PCDH9: variants seen among roughly 807,000 people sequenced by gnomAD.
PCDH9 encodes the protein protocadherin-9.
PCDH9 carries 24 observed loss-of-function variants against 70.6 expected under a neutral mutation model. The observed-to-expected ratio is 0.34, with a 90% CI of 0.25 to 0.48. The LOEUF (loss-of-function observed/expected upper bound fraction) is 0.48, where lower values mean the gene tolerates loss of function less well. Ranked by LOEUF, PCDH9 falls within the 20% of genes least tolerant of loss-of-function variation. PCDH9 has a pLI of 0.99. For missense variants in PCDH9, 1,281 were observed against 1,503.6 expected (o/e 0.85, Z 2.45); for synonymous variants, 562 against 558.5 (o/e 1.01, Z -0.09).
Position 66,744,225 on chromosome 13 carries a change from A to T in PCDH9, c.3139-112814T>A, listed in dbSNP as rs529650134. Among the ~76,000 whole-genome samples the T allele has an allele frequency of 3.2e-4, 49 of 152,346 alleles. No homozygotes were observed. In the South Asian group the frequency reaches 0.01, roughly 32 times the overall value. On this transcript the variant is annotated intron_variant, in intron 3 of 4. Transcript: ENST00000377865. ...GGACATGTATTTATTATTTTGTATT[A>T]ATCAATTCACATATCCCTGGAGAAA...
Position 66,303,467 on chromosome 13 carries a change from C to T in PCDH9, c.*1188G>A, listed in dbSNP as rs1000507120. ...AGAATGTTCTGTTACATCATGAAGG[C>T]ACAACACATTAAATATTTTGTGGCT... On this transcript the variant is annotated 3_prime_UTR_variant, in exon 5 of 5. Coordinates refer to ENST00000377865, the MANE Select transcript of PCDH9 (RefSeq NM_203487.3). The T allele has an allele frequency of 1.3e-5, 2 of 152,500 alleles. No individual in the cohort carries two copies. The highest frequency in any genetic ancestry group is 2.9e-5 in the Non-Finnish European group (2 of 67,986). The allele number at this position is 152,500 out of a possible 1,614,324, so 9.4% of individuals were successfully genotyped here. A position where few individuals can be genotyped will look rare whatever the true frequency, so the allele number is the denominator to read the frequency against.
At chr13:67,190,457 A>ATATTT (rs5804314) in intron 2 of PCDH9, among the ~76,000 whole-genome samples, 71,311 of 151,184 alleles carry the variant, frequency 0.47, 17,422 homozygotes, top group Middle Eastern at 0.64. Flanking sequence ...TTAAGAGGAA[A>ATATTT]TATTTTGTTT....
chr13:66,519,174 C>T (rs1455290704), intron 4 of PCDH9, among the ~76,000 whole-genome samples: 1 of 152,032 alleles, frequency 6.6e-6, no homozygotes, highest in Non-Finnish European at 1.5e-5. Context: ...ACATCCTATT[C>T]TGATAAACAG....
At chr13:67,167,504 C>T (rs979650256) in intron 2 of PCDH9, among the ~76,000 whole-genome samples, 4 of 152,084 alleles carry the variant, frequency 2.6e-5, no homozygotes, top group Admixed American at 2.6e-4. Context: ...CACTTTTCAT[C>T]AAACTTTTCC....
At chr13:66,812,752 G>T (rs934320386) in intron 3 of PCDH9, among the ~76,000 whole-genome samples, 2 of 152,124 alleles carry the variant, frequency 1.3e-5, no homozygotes, top group African/African-American at 4.8e-5. Context: ...TTACAGAAGA[G>T]AAAATAAAGT....
At chr13:67,018,425 C>T (rs374936756) in intron 2 of PCDH9, among the ~76,000 whole-genome samples, 46 of 152,112 alleles carry the variant, frequency 3.0e-4, no homozygotes, top group South Asian at 1.5e-3. Flanking sequence ...TCGAGACCAT[C>T]CTGGTCAACA....
intron 2 of PCDH9, among the ~76,000 whole-genome samples, chr13:67,170,512 G>A (rs117864311): frequency 0.034 from 5,215 of 152,248 alleles, 242 homozygotes; most frequent in Admixed American, 0.14. Flanking sequence ...ATTTGCAATA[G>A]CAAAGGAGAT....
intron 3 of PCDH9, among the ~76,000 whole-genome samples, chr13:66,841,863 G>C (rs966914848): frequency 6.6e-6 from 1 of 152,088 alleles, no homozygotes; most frequent in Non-Finnish European, 1.5e-5. Flanking sequence ...AAAAGTACTT[G>C]GGAAAATATA....
chr13:66,304,669 C>A lies in PCDH9; in HGVS notation c.3700G>T (p.Glu1234Ter). The change falls in exon 5 of 5, where the codon GAG becomes TAG. Residue 1234 changes from glutamate to a stop codon, truncating the protein, a stop_gained. Transcript: ENST00000377865. LOFTEE classifies it high-confidence loss of function. ...QAGGATESPK[E>*]HQL is the part of the protein sequence containing the mutation. The stretch of plus-strand genomic sequence containing the variant: ...ATAGCCTTTTCTTAGAGTTGGTGCT[C>A]CTTAGGACTCTCAGTAGCACCTCCT... 6.2e-7 allele frequency: 1 copy of A among 1,612,400 alleles called. No homozygotes were observed. The highest frequency in any genetic ancestry group is 1.1e-5 in the South Asian group (1 of 91,022).
chr13:67,026,293 G>C (rs1428600510), intron 2 of PCDH9, among the ~76,000 whole-genome samples: 1 of 152,102 alleles, frequency 6.6e-6, no homozygotes, highest in Non-Finnish European at 1.5e-5. Flanking sequence ...CAAGGATATT[G>C]GTCTAAAATT....
chr13:66,736,429 C>T (rs895898923), intron 3 of PCDH9, among the ~76,000 whole-genome samples: 1 of 152,114 alleles, frequency 6.6e-6, no homozygotes, highest in African/African-American at 2.4e-5. Context: ...CACAGGCCAG[C>T]CAAGGAGAGA....
intron 2 of PCDH9, among the ~76,000 whole-genome samples, chr13:67,151,113 A>C (rs895739652): frequency 9.9e-5 from 15 of 152,154 alleles, no homozygotes; most frequent in Admixed American, 9.8e-4. Flanking sequence ...GTCCAGTGGA[A>C]GGCTCATCCT....
At chr13:66,580,540 A>G (rs1318333259) in intron 4 of PCDH9, among the ~76,000 whole-genome samples, 2 of 151,782 alleles carry the variant, frequency 1.3e-5, no homozygotes, top group African/African-American at 2.4e-5. Context: ...GTATTTGTCA[A>G]TGGTATGGAC....
intron 3 of PCDH9, among the ~76,000 whole-genome samples, chr13:66,638,929 CA>C (rs1394163090): frequency 1.3e-5 from 2 of 152,112 alleles, no homozygotes; most frequent in Non-Finnish European, 2.9e-5. Flanking sequence ...TGAATTTTTA[CA>C]TTTTAGAAGA....
At chr13:67,165,646 A>G (rs539180682) in intron 2 of PCDH9, among the ~76,000 whole-genome samples, 8 of 152,256 alleles carry the variant, frequency 5.3e-5, no homozygotes, top group African/African-American at 1.9e-4. Context: ...AAAAAAAGTT[A>G]TTCTAATTTA....
chr13:67,217,226 G>A (rs1349846423), intron 2 of PCDH9: 2 of 151,288 alleles, frequency 1.3e-5, no homozygotes, highest in African/African-American at 2.4e-5. Context: ...TTTCATAACT[G>A]CTTCTGTGTT....
Position 66,978,677 on chromosome 13 carries a change from A to G in PCDH9, c.3037-75072T>C, listed in dbSNP as rs1005147100. Among the ~76,000 whole-genome samples the G allele has an allele frequency of 2.0e-5, 3 of 149,702 alleles. No homozygotes were observed. The South Asian group carries it at 6.2e-4, about 31-fold the overall frequency. ...TTCTTAGTTTATGCTACTATCTTCT[A>G]TAAGAATATATATATTATATATAAT... On this transcript the variant is annotated intron_variant, in intron 2 of 4. Transcript: ENST00000377865.
intron 2 of PCDH9, among the ~76,000 whole-genome samples, chr13:67,113,380 T>C (rs2086693644): frequency 6.6e-6 from 1 of 152,192 alleles, no homozygotes; most frequent in Non-Finnish European, 1.5e-5. Context: ...ATGGAGGTGA[T>C]TTCCAGTGGT....
At chr13:66,923,624 C>A (rs1232623637) in intron 2 of PCDH9, among the ~76,000 whole-genome samples, 1 of 151,504 alleles carries the variant, frequency 6.6e-6, no homozygotes, top group Non-Finnish European at 1.5e-5. Context: ...ATGTATACAA[C>A]CACCAACGTC....
Sources: gnomAD v4.1 joint callset for allele counts (sites outside exome capture counted in the v4.1 genomes callset) on GRCh38, gnomAD v4.1.1 for gene constraint, MANE v1.5 for transcripts, NCBI Gene and HGNC (gene_info 2026-07-23, HGNC 2026-07-21) for gene names.